The following SLCO2B1 variants were observed in gnomAD, a reference collection of about 807,000 sequenced individuals.
SLCO2B1 encodes solute carrier organic anion transporter family member 2B1, also known as OATP-RP2.
In SLCO2B1, 41 loss-of-function variants were observed where a neutral mutation model predicts 67.3. That is an observed-to-expected ratio of 0.61 (90% CI 0.47 to 0.79). The LOEUF (loss-of-function observed/expected upper bound fraction) is 0.79. SLCO2B1 is among the 30% of genes least tolerant of loss of function. The probability of loss-of-function intolerance (pLI) is 0.00; values close to 1 mark genes in which losing one functional copy is unlikely to be tolerated. For synonymous variants in SLCO2B1, 379 were observed against 381.4 expected (o/e 0.99, Z 0.07); for missense variants, 837 against 920.1 (o/e 0.91, Z 1.17).
intron 6 of SLCO2B1, among the ~76,000 whole-genome samples, chr11:75,171,271 T>C (rs868736997): frequency 1.3e-5 from 2 of 152,110 alleles, no homozygotes; most frequent in Non-Finnish European, 2.9e-5. Context: ...TGGTTTTTCT[T>C]GTTTTTGTTT....
chr11:75,192,962 GA>G (rs1357777950), intron 8 of SLCO2B1, among the ~76,000 whole-genome samples: 1 of 152,126 alleles, frequency 6.6e-6, no homozygotes, highest in African/African-American at 2.4e-5. Context: ...AGAATCACTT[GA>G]ACCCAGGAGG....
rs1949686137 is a variant in SLCO2B1 at position 75,151,402 on chromosome 11, G to A, written c.16+5G>A. On this transcript the variant is annotated splice_donor_5th_base_variant and intron_variant, in intron 1 of 13. Coordinates refer to ENST00000289575, the MANE Select transcript of SLCO2B1 (RefSeq NM_007256.5). ...CAGTCATGGGACCCAGGATAGGTAA[G>A]TCCGAACAAATTAAGGAAGGGCCAT... 6.2e-7 allele frequency: 1 copy of A among 1,613,820 alleles called. No individual in the cohort carries two copies. The highest frequency in any genetic ancestry group is 8.5e-7 in the Non-Finnish European group (1 of 1,179,928).
chr11:75,170,059 T>G, intron 6 of SLCO2B1: 1 of 339,380 alleles, frequency 2.9e-6, no homozygotes, highest in Non-Finnish European at 5.5e-6. Context: ...CCTTGTTCCA[T>G]ACCCCACCTT....
chr11:75,191,677 C>A (rs1267270474), intron 8 of SLCO2B1, among the ~76,000 whole-genome samples: 2 of 152,230 alleles, frequency 1.3e-5, no homozygotes, highest in Non-Finnish European at 2.9e-5. Context: ...GAGCCCCCAC[C>A]TGGCCCAGAG....
Position 75,151,374 on chromosome 11 carries a change from C to A in SLCO2B1, c.-8C>A, listed in dbSNP as rs990836319. 6 of 1,613,280 alleles carry A rather than the reference C, an allele frequency of 3.7e-6. No individual in the cohort carries two copies. Among genetic ancestry groups the A allele is most frequent in the African/African-American group, 1.3e-5 (1 of 74,906 alleles). On this transcript the variant is annotated 5_prime_UTR_variant, in exon 1 of 14. Transcript: ENST00000289575. The stretch of plus-strand genomic sequence containing the variant: ...TTAGGGGCTGGAGCTCACTGCACTC[C>A]AGCAGTCATGGGACCCAGGATAGGT...
chr11:75,183,781 C>T (rs766025270), intron 7 of SLCO2B1, among the ~76,000 whole-genome samples: 5 of 152,192 alleles, frequency 3.3e-5, no homozygotes, highest in Non-Finnish European at 5.9e-5. Context: ...GCCTTGGCCT[C>T]CCAAAATGCT....
rs1945100575 is a variant in SLCO2B1, at chr11:75,196,634, A to G, written c.1554A>G (p.Ala518=). The change falls in exon 10 of 14, where the codon GCA becomes GCG. Residue 518 remains alanine (A), a synonymous_variant. Transcript: ENST00000289575. ...TGGAATACATCACACCCTGCCACGCAGGCTGCTCAAGCTGGGTGGTCCAGG... is the reference window on the plus strand; with the variant it reads ...TGGAATACATCACACCCTGCCACGCGGGCTGCTCAAGCTGGGTGGTCCAGG... The part of the protein sequence containing the change: ...TRVEYITPCH[A]GCSSWVVQDA... 3.7e-6 allele frequency: 6 copies of G among 1,613,992 alleles called. No homozygotes were observed. The highest frequency in any genetic ancestry group is 5.1e-6 in the Non-Finnish European group (6 of 1,180,010).
At chr11:75,162,807 G>C (rs1427957426) in intron 2 of SLCO2B1, 22 bp downstream of exon 2, 2 of 1,607,508 alleles carry the variant, frequency 1.2e-6, no homozygotes, top group East Asian at 4.5e-5. Context: ...GGCCTGGCAG[G>C]GGCCTCCGAG....
chr11:75,166,531 C>T (rs1667511227), intron 4 of SLCO2B1, among the ~76,000 whole-genome samples: 1 of 152,114 alleles, frequency 6.6e-6, no homozygotes, highest in African/African-American at 2.4e-5. Context: ...CCTGATCGTT[C>T]ACTTTATTCC....
At chr11:75,182,815 T>C (rs991683294) in intron 7 of SLCO2B1, among the ~76,000 whole-genome samples, 2 of 151,992 alleles carry the variant, frequency 1.3e-5, no homozygotes, top group African/African-American at 2.4e-5. Context: ...TTGTTTCTAC[T>C]CTTTATGAGA....
Position 75,164,045 on chromosome 11 carries a change from A to G in SLCO2B1, c.230A>G (p.Glu77Gly). 1 of 1,607,998 alleles carries G rather than the reference A, an allele frequency of 6.2e-7. No individual in the cohort carries two copies. Among genetic ancestry groups the G allele is most frequent in the Non-Finnish European group, 8.5e-7 (1 of 1,177,364 alleles). ...GYLKSSISTV[E>G]KRFGLSSQTS... The stretch of plus-strand genomic sequence containing the variant: ...CTAAAGAGCTCCATCTCCACAGTGG[A>G]GAAGCGCTTCGGCCTCTCCAGCCAG... Residue 77 changes from glutamate to glycine, a missense_variant, in exon 3 of 14, where the codon GAG becomes GGG. Transcript: ENST00000289575.
intron 6 of SLCO2B1, among the ~76,000 whole-genome samples, chr11:75,170,267 T>G (rs1198515365): frequency 6.6e-6 from 1 of 152,154 alleles, no homozygotes; most frequent in Non-Finnish European, 1.5e-5. Context: ...AGATGGGACA[T>G]TTACTGTGAC....
chr11:75,189,899 C>T, intron 8 of SLCO2B1, among the ~76,000 whole-genome samples: 1 of 150,754 alleles, frequency 6.6e-6, no homozygotes, highest in African/African-American at 2.4e-5. Flanking sequence ...GAGTTTGAGG[C>T]TGCAATGAGC....
chr11:75,181,767 A>C (rs1467664535), intron 7 of SLCO2B1, among the ~76,000 whole-genome samples: 5 of 152,222 alleles, frequency 3.3e-5, no homozygotes, highest in Non-Finnish European at 5.9e-5. Flanking sequence ...GGGAAGTTCC[A>C]GCAGCCCTCT....
Position 75,175,515 on chromosome 11 carries a change from T to C in SLCO2B1, c.972+2946T>C, listed in dbSNP as rs983230245. Among the ~76,000 whole-genome samples, 3 of 152,182 alleles carry C rather than the reference T, an allele frequency of 2.0e-5. No individual in the cohort carries two copies. The East Asian group carries it at 5.8e-4, about 29-fold the overall frequency. On this transcript the variant is annotated intron_variant, in intron 7 of 13. Coordinates refer to ENST00000289575, the MANE Select transcript of SLCO2B1 (RefSeq NM_007256.5). ...GCTCAGGGCTCAGGGGTCCCCTAAA[T>C]ACCCTCTTAGAAGTAAATGCTGTTT...
intron 4 of SLCO2B1, 65 bp downstream of exon 4, chr11:75,166,014 C>T (rs537341135): frequency 6.5e-7 from 1 of 1,529,560 alleles, no homozygotes; most frequent in Middle Eastern, 2.2e-4. Flanking sequence ...CGCTGGGGCC[C>T]ACCCCACAGG....
chr11:75,162,546 A>T (rs1949833823), intron 1 of SLCO2B1, 109 bp from the exon 2 acceptor site: 1 of 1,189,784 alleles, frequency 8.4e-7, no homozygotes, highest in South Asian at 1.5e-5. Context: ...ACCACTAAGA[A>T]CTCTTCTTCC....
rs79024930 is a variant in SLCO2B1, at chr11:75,172,773, G to C, written c.972+204G>C. ...TGAAACCCCGTCTCTACTAAAAATA[G>C]AAAAAATTAGCCGGGCATGGTGGTG... On this transcript the variant is annotated intron_variant, in intron 7 of 13. Transcript: ENST00000289575. Among the ~76,000 whole-genome samples the C allele has an allele frequency of 3.4e-3, 515 of 152,062 alleles. 4 individuals are homozygous for C. Among genetic ancestry groups the C allele is most frequent in the African/African-American group, 0.012 (493 of 41,490 alleles).
chr11:75,206,376 T>C lies in SLCO2B1; in HGVS notation c.*1796T>C, dbSNP rs1383784521. 6.6e-6 allele frequency: 1 copy of C among 152,258 alleles called. No individual in the cohort carries two copies. The highest frequency in any genetic ancestry group is 1.5e-5 in the Non-Finnish European group (1 of 68,046). The allele number at this position is 152,258 out of a possible 1,614,324, so 9.4% of individuals were successfully genotyped here. ...ATTCATTGCTCACCATTATTGCTTG[T>C]ATATTACATCTTTTCCAATCTTTAT... On this transcript the variant is annotated 3_prime_UTR_variant, in exon 14 of 14. Transcript: ENST00000289575.
Sources: allele counts gnomAD v4.1 joint callset (sites outside exome capture counted in the v4.1 genomes callset), GRCh38; gene constraint gnomAD v4.1.1; transcripts MANE v1.5; gene names NCBI Gene and HGNC (gene_info 2026-07-23, HGNC 2026-07-21).